The following CPPED1 variants were observed in gnomAD, a reference collection of about 807,000 sequenced individuals.
CPPED1 encodes the protein calcineurin like phosphoesterase domain containing 1, also known as serine/threonine-protein phosphatase CPPED1.
In CPPED1, 28 loss-of-function variants were observed where a neutral mutation model predicts 28.0. The observed-to-expected ratio is 1.00, with a 90% CI of 0.74 to 1.37. The LOEUF is 1.37. Among genes scored for constraint, CPPED1 ranks in the 40% most tolerant of loss-of-function variants. The pLI is 0.00. For missense variants in CPPED1, 504 were observed against 416.5 expected (o/e 1.21, Z -1.83); for synonymous variants, 198 against 180.2 (o/e 1.10, Z -0.79).
intron 2 of CPPED1, among the ~76,000 whole-genome samples, chr16:12,754,088 C>A (rs1287894171): frequency 6.6e-6 from 1 of 152,130 alleles, no homozygotes; most frequent in Non-Finnish European, 1.5e-5. Context: ...TACACCATTG[C>A]TTTTTCAGGT....
intron 2 of CPPED1, among the ~76,000 whole-genome samples, chr16:12,706,556 GA>G (rs56369967): frequency 0.56 from 59,166 of 104,766 alleles, 15,768 homozygotes; most frequent in African/African-American, 0.62. Context: ...AATTTTCACC[GA>G]AAAAAAAAAA....
chr16:12,719,123 T>C (rs909568469), intron 2 of CPPED1, among the ~76,000 whole-genome samples: 4 of 151,844 alleles, frequency 2.6e-5, no homozygotes, highest in African/African-American at 9.7e-5. Flanking sequence ...CTGAGACTTA[T>C]TCACTACCAT....
rs772970009 is a variant in CPPED1, at chr16:12,709,989, G to A, written c.290-4940C>T. On this transcript the variant is annotated intron_variant, in intron 2 of 3. Transcript: ENST00000381774. This position sits in a 1 kb window ranked among gnomAD's most constrained non-coding sequence, Gnocchi z 4.4. Reference sequence around the variant, plus strand: ...GAAGGCAAGGAAGGAAGGAAGGGAAGAGAAGAGAAGGAAGGAAGGGAAGGA... The same window carrying A: ...GAAGGCAAGGAAGGAAGGAAGGGAAAAGAAGAGAAGGAAGGAAGGGAAGGA... Among the ~76,000 whole-genome samples, 9 of 147,256 alleles carry A rather than the reference G, an allele frequency of 6.1e-5. No homozygotes were observed. The highest frequency in any genetic ancestry group is 1.0e-4 in the Non-Finnish European group (7 of 66,832).
At chr16:12,702,471 G>A (rs2080025526) in intron 3 of CPPED1, among the ~76,000 whole-genome samples, 1 of 152,088 alleles carries the variant, frequency 6.6e-6, no homozygotes, top group South Asian at 2.1e-4. Context: ...CTAGGAGGTC[G>A]AGGCTGCAGT....
chr16:12,743,470 G>T (rs1406175675), intron 2 of CPPED1, among the ~76,000 whole-genome samples: 1 of 152,066 alleles, frequency 6.6e-6, no homozygotes, highest in Non-Finnish European at 1.5e-5. Flanking sequence ...AAAGAAAATG[G>T]ACAAAGTGGA....
intron 2 of CPPED1, among the ~76,000 whole-genome samples, chr16:12,718,721 G>A (rs147140859): frequency 1.7e-4 from 26 of 152,176 alleles, no homozygotes; most frequent in African/African-American, 5.3e-4. Flanking sequence ...CCAACACCTT[G>A]GGAGGCTGAG....
chr16:12,675,755 G>C (rs2079874616), intron 3 of CPPED1, among the ~76,000 whole-genome samples: 1 of 152,176 alleles, frequency 6.6e-6, no homozygotes. Context: ...AGCTATAACA[G>C]TGAAAACTGC....
chr16:12,774,778 T>C lies in CPPED1; in HGVS notation c.289+6407A>G, dbSNP rs114956559. 3.5e-3 allele frequency among the ~76,000 whole-genome samples: 529 copies of C among 152,144 alleles called. 3 individuals carry two copies. Among genetic ancestry groups the C allele is most frequent in the African/African-American group, 0.012 (503 of 41,520 alleles). On this transcript the variant is annotated intron_variant, in intron 2 of 3. Coordinates refer to ENST00000381774, the MANE Select transcript of CPPED1 (RefSeq NM_018340.3). ...ATGAATGAATGAGTTAGTGGATTAA[T>C]GGGTTATCATGAGAGTGGGACAGGG...
At chr16:12,802,329 C>A (rs1047925983) in intron 1 of CPPED1, among the ~76,000 whole-genome samples, 17 of 152,272 alleles carry the variant, frequency 1.1e-4, no homozygotes, top group African/African-American at 3.9e-4. Flanking sequence ...AGGCCGGGCG[C>A]GGTGGCTCAG....
At chr16:12,700,569 T>C (rs571741909) in intron 3 of CPPED1, among the ~76,000 whole-genome samples, 3 of 152,322 alleles carry the variant, frequency 2.0e-5, no homozygotes, top group East Asian at 3.9e-4. Flanking sequence ...TATTGCATTT[T>C]TCAGTAGAGA....
chr16:12,665,834 A>G (rs1222314651), intron 3 of CPPED1, among the ~76,000 whole-genome samples: 1 of 152,206 alleles, frequency 6.6e-6, no homozygotes, highest in Non-Finnish European at 1.5e-5. Context: ...CTGAGACAGG[A>G]GAATCACGTG....
At chr16:12,757,096 T>C (rs1012023131) in intron 2 of CPPED1, among the ~76,000 whole-genome samples, 5 of 151,820 alleles carry the variant, frequency 3.3e-5, no homozygotes, top group Non-Finnish European at 5.9e-5. Context: ...TACAGCACCT[T>C]GAGGGTGACC....
At chr16:12,787,661 T>A (rs1041445954) in intron 1 of CPPED1, among the ~76,000 whole-genome samples, 5 of 151,942 alleles carry the variant, frequency 3.3e-5, no homozygotes, top group African/African-American at 1.2e-4. Context: ...CGTCTCAGCC[T>A]CCCAAAGTGC....
At chr16:12,673,787 T>C (rs542407021) in intron 3 of CPPED1, among the ~76,000 whole-genome samples, 2 of 152,228 alleles carry the variant, frequency 1.3e-5, no homozygotes, top group African/African-American at 4.8e-5. Flanking sequence ...TGGCTCCCAC[T>C]TGTAATCCCA....
chr16:12,797,656 T>C (rs577839611), intron 1 of CPPED1, among the ~76,000 whole-genome samples: 2 of 152,152 alleles, frequency 1.3e-5, no homozygotes, highest in African/African-American at 2.4e-5. Context: ...ACGGAAGAAC[T>C]GTCTTGGGCC....
intron 2 of CPPED1, among the ~76,000 whole-genome samples, chr16:12,771,506 T>G (rs749606951): frequency 6.6e-6 from 1 of 152,190 alleles, no homozygotes; most frequent in Non-Finnish European, 1.5e-5. Context: ...CTTTAGGAAC[T>G]TGGAACTAAG....
chr16:12,702,435 G>C (rs2080025382), intron 3 of CPPED1, among the ~76,000 whole-genome samples: 1 of 152,082 alleles, frequency 6.6e-6, no homozygotes, highest in Admixed American at 6.6e-5. Flanking sequence ...GTTCTCAGAA[G>C]GTAGAGGTGG....
intron 1 of CPPED1, among the ~76,000 whole-genome samples, chr16:12,794,009 C>T (rs2080611707): frequency 6.6e-6 from 1 of 152,100 alleles, no homozygotes; most frequent in Admixed American, 6.6e-5. Flanking sequence ...TACCCTTCAA[C>T]TGCTCTGGGG....
chr16:12,664,760 A>G lies in CPPED1; in HGVS notation c.*126T>C, dbSNP rs2079815364. The G allele has an allele frequency of 2.7e-6, 4 of 1,506,728 alleles. No individual in the cohort carries two copies. The highest frequency in any genetic ancestry group is 2.8e-5 in the African/African-American group (2 of 70,472). The allele number at this position is 1,506,728 out of a possible 1,614,324, so 93.3% of individuals were successfully genotyped here. A position where few individuals can be genotyped will look rare whatever the true frequency, so the allele number is the denominator to read the frequency against. ...GCCCCAGCTCTCTGATTTATGCAAA[A>G]GGACATAAATTCACAAACCTGCCTG... is the stretch of plus-strand genomic sequence containing the variant. On this transcript the variant is annotated 3_prime_UTR_variant, in exon 4 of 4. Coordinates refer to ENST00000381774, the MANE Select transcript of CPPED1 (RefSeq NM_018340.3). This position sits in a 1 kb window ranked among gnomAD's most constrained non-coding sequence, Gnocchi z 4.2.
Sources: gnomAD v4.1 joint callset for allele counts (sites outside exome capture counted in the v4.1 genomes callset) on GRCh38, gnomAD v4.1.1 for gene constraint, Gnocchi (gnomAD v3.1) non-coding constraint, MANE v1.5 for transcripts, NCBI Gene and HGNC (gene_info 2026-07-23, HGNC 2026-07-21) for gene names.